Variants in VAX2 observed in about 807,000 individuals in gnomAD.
VAX2 encodes ventral anterior homeobox 2.
VAX2 carries 8 observed loss-of-function variants against 12.5 expected under a neutral mutation model. That is an observed-to-expected ratio of 0.64 (90% CI 0.37 to 1.15). VAX2 has a LOEUF of 1.15. VAX2 is among the 50% of genes most tolerant of loss of function. VAX2 has a pLI of 0.01. For missense variants in VAX2, 476 were observed against 412.9 expected, an observed-to-expected ratio of 1.15 and a Z score of -1.32; for synonymous variants, 183 against 187.6, an observed-to-expected ratio of 0.98 and a Z score of 0.20.
At chr2:70,919,352 G>A (rs546489651) in intron 1 of VAX2, among the ~76,000 whole-genome samples, 1 of 52,372 alleles carries the variant, frequency 1.9e-5, no homozygotes, top group Non-Finnish European at 3.2e-5. Flanking sequence ...CTGTAAAATG[G>A]GGATCATATA....
intron 1 of VAX2, among the ~76,000 whole-genome samples, chr2:70,919,332 A>G (rs1679396341): frequency 1.5e-5 from 2 of 133,200 alleles, no homozygotes; most frequent in African/African-American, 6.0e-5. Flanking sequence ...TTGTTACTCC[A>G]TTTCCTCATC....
chr2:70,901,261 G>A (rs1678917000), intron 1 of VAX2, among the ~76,000 whole-genome samples: 1 of 152,236 alleles, frequency 6.6e-6, no homozygotes, highest in Non-Finnish European at 1.5e-5. Flanking sequence ...GGAGGGAGCA[G>A]CGTCGGCAAC....
At position 70,900,765 on chromosome 2, in the gene VAX2, G is replaced by T; in HGVS notation, c.144G>T (p.Gly48=). ...GGGHSPTEVA[G]TSASSPAGSR... ...GCCACAGCCCAACGGAGGTGGCCGG[G>T]ACCTCAGCCTCCAGTCCCGCAGGCT... Residue 48 remains glycine, a synonymous_variant, in exon 1 of 3, where the codon GGG becomes GGT. Transcript: ENST00000234392. 6.7e-7 allele frequency: 1 copy of T among 1,493,434 alleles called. No homozygotes were observed. The highest frequency in any genetic ancestry group is 1.3e-5 in the South Asian group (1 of 78,702). The allele number at this position is 1,493,434 out of a possible 1,614,324, so 92.5% of individuals were successfully genotyped here.
At chr2:70,928,493 C>G (rs1553413854) in intron 2 of VAX2, among the ~76,000 whole-genome samples, 1 of 152,186 alleles carries the variant, frequency 6.6e-6, no homozygotes, top group Non-Finnish European at 1.5e-5. Context: ...CTCCATCTGC[C>G]TCTGACTTCT....
chr2:70,922,815 G>A (rs1572895960), intron 2 of VAX2, among the ~76,000 whole-genome samples: 1 of 152,190 alleles, frequency 6.6e-6, no homozygotes, highest in African/African-American at 2.4e-5. Flanking sequence ...AGGGGGCTGG[G>A]AAGCCAGGCT....
chr2:70,927,773 T>A (rs895777115), intron 2 of VAX2, among the ~76,000 whole-genome samples: 11 of 151,440 alleles, frequency 7.3e-5, no homozygotes, highest in Non-Finnish European at 1.5e-4. Flanking sequence ...GAGGGGGCAG[T>A]GCCATGGGTC....
At chr2:70,927,320 C>T (rs1679596411) in intron 2 of VAX2, among the ~76,000 whole-genome samples, 1 of 151,734 alleles carries the variant, frequency 6.6e-6, no homozygotes, top group Admixed American at 6.6e-5. Flanking sequence ...GGCCAGGAGC[C>T]CAGGAGCCAG....
At chr2:70,926,154 G>A (rs545561466) in intron 2 of VAX2, among the ~76,000 whole-genome samples, 26 of 152,186 alleles carry the variant, frequency 1.7e-4, no homozygotes, top group African/African-American at 4.6e-4. Flanking sequence ...GCAGAATGGC[G>A]AAGCCCTTTC....
In VAX2 at chr2:70,932,899, C is replaced by A. The variant is rs782410771; in HGVS notation, c.568C>A (p.Arg190=). 1 of 1,613,216 alleles carries A rather than the reference C, an allele frequency of 6.2e-7. No homozygotes were observed. Among genetic ancestry groups the A allele is most frequent in the Non-Finnish European group, 8.5e-7 (1 of 1,179,946 alleles). The change falls in exon 3 of 3, where the codon CGG becomes AGG. Residue 190 remains arginine (R), a synonymous_variant. Transcript: ENST00000234392. ...CATTCTGCGGCTGCTGGAGCAGGGC[C>A]GGCTGCTCTCTGTGCCCAGGGCCCC... ...SNILRLLEQG[R]LLSVPRAPSL...
At position 70,933,054 on chromosome 2, in the gene VAX2, G is replaced by T; in HGVS notation, c.723G>T (p.Leu241=). The change falls in exon 3 of 3, where the codon CTG becomes CTT. Residue 241 remains leucine, a synonymous_variant. Transcript: ENST00000234392. ...PLSSASASPP[L]PPPLPAVCFS... ...CCTCGGCCTCAGCGTCCCCCCCACT[G>T]CCGCCCCCTCTGCCAGCTGTCTGCT... The T allele has an allele frequency of 6.2e-7, 1 of 1,604,988 alleles. No homozygotes were observed. The highest frequency in any genetic ancestry group is 8.5e-7 in the Non-Finnish European group (1 of 1,176,030).
intron 1 of VAX2, among the ~76,000 whole-genome samples, chr2:70,910,527 T>C (rs1553411087): frequency 6.6e-6 from 1 of 152,126 alleles, no homozygotes; most frequent in African/African-American, 2.4e-5. Context: ...ATATACTTAA[T>C]TTTTTAGAGT....
intron 2 of VAX2, among the ~76,000 whole-genome samples, chr2:70,926,569 G>A (rs574341818): frequency 2.0e-5 from 3 of 152,256 alleles, no homozygotes; most frequent in African/African-American, 4.8e-5. Context: ...CCAGCTGTAC[G>A]TACAGCTCCC....
chr2:70,904,983 C>T lies in VAX2; in HGVS notation c.247+4115C>T, dbSNP rs1553410405. Among the ~76,000 whole-genome samples, 1 of 152,218 alleles carries T rather than the reference C, an allele frequency of 6.6e-6. No homozygotes were observed. The highest frequency in any genetic ancestry group is 1.5e-5 in the Non-Finnish European group (1 of 68,042). On this transcript the variant is annotated intron_variant, in intron 1 of 2. Coordinates refer to ENST00000234392, the MANE Select transcript of VAX2 (RefSeq NM_012476.3). This position sits in a 1 kb window ranked among gnomAD's most constrained non-coding sequence, Gnocchi z 4.2. The stretch of plus-strand genomic sequence containing the variant: ...GAAGAAGCCATACAAGGGGGCGCAG[C>T]TTCGGGGCTCTGGCTGGGAGGTTAC...
intron 2 of VAX2, among the ~76,000 whole-genome samples, chr2:70,928,158 A>G (rs1027701598): frequency 1.3e-5 from 2 of 152,258 alleles, no homozygotes; most frequent in Non-Finnish European, 2.9e-5. Context: ...CAACATTTGC[A>G]GGGCCCTGTG....
intron 1 of VAX2, among the ~76,000 whole-genome samples, chr2:70,912,182 A>G (rs1454259136): frequency 6.6e-6 from 1 of 152,160 alleles, no homozygotes; most frequent in Non-Finnish European, 1.5e-5. Context: ...GTTGCTGTAG[A>G]TTTGTAACAT....
rs1374319020 is a variant in VAX2, at chr2:70,913,670, C to T, written c.248-7428C>T. ...TAGCCTGGGTGACAGAGCGAGACTC[C>T]GACTCAAAATAAATAAATAAATAAA... On this transcript the variant is annotated intron_variant, in intron 1 of 2. Coordinates refer to ENST00000234392, the MANE Select transcript of VAX2 (RefSeq NM_012476.3). Among the ~76,000 whole-genome samples, 6 of 148,902 alleles carry T rather than the reference C, an allele frequency of 4.0e-5. No homozygotes were observed. In the South Asian group the frequency reaches 6.4e-4, roughly 16 times the overall value.
intron 1 of VAX2, among the ~76,000 whole-genome samples, chr2:70,911,929 G>A (rs1679194660): frequency 6.6e-6 from 1 of 152,122 alleles, no homozygotes; most frequent in Non-Finnish European, 1.5e-5. Flanking sequence ...TTTCTAGAAA[G>A]TTATTTTATA....
intron 1 of VAX2, among the ~76,000 whole-genome samples, chr2:70,912,665 A>G (rs1679215572): frequency 1.3e-5 from 2 of 152,154 alleles, no homozygotes; most frequent in Non-Finnish European, 1.5e-5. Context: ...CCGTTTCAAA[A>G]AAAAGTCAGC....
At chr2:70,929,965 G>C (rs1553414099) in intron 2 of VAX2, among the ~76,000 whole-genome samples, 1 of 152,196 alleles carries the variant, frequency 6.6e-6, no homozygotes, top group African/African-American at 2.4e-5. Flanking sequence ...ATGTATATCT[G>C]GTGAGTGAAT....
Sources: allele counts gnomAD v4.1 joint callset (sites outside exome capture counted in the v4.1 genomes callset), GRCh38; gene constraint gnomAD v4.1.1; non-coding constraint Gnocchi (gnomAD v3.1); transcripts MANE v1.5; gene names NCBI Gene and HGNC (gene_info 2026-07-23, HGNC 2026-07-21).